PDE7A: variants seen among roughly 807,000 people sequenced by gnomAD.
PDE7A encodes the protein high affinity 3',5'-cyclic-AMP phosphodiesterase 7A.
In PDE7A, 39 loss-of-function variants were observed where a neutral mutation model predicts 64.3. The observed-to-expected ratio is 0.61, with a 90% confidence interval of 0.47 to 0.79. The LOEUF (loss-of-function observed/expected upper bound fraction) is 0.79, where lower values mean the gene tolerates loss of function less well. Ranked by LOEUF, PDE7A falls within the 30% of genes least tolerant of loss-of-function variation. The pLI is 0.00. For missense variants in PDE7A, 470 were observed against 582.8 expected (o/e 0.81, Z 1.99); for synonymous variants, 203 against 206.8 (o/e 0.98, Z 0.16).
intron 6 of PDE7A, among the ~76,000 whole-genome samples, chr8:65,735,301 G>A (rs1247056084): frequency 6.6e-6 from 1 of 152,052 alleles, no homozygotes; most frequent in Non-Finnish European, 1.5e-5. Context: ...TAGCCTTTCA[G>A]TACCCTTGGT....
In PDE7A at chr8:65,841,541, C is replaced by A. The variant is rs947609227; in HGVS notation, c.-33G>T. On this transcript the variant is annotated 5_prime_UTR_variant, in exon 1 of 13. Transcript: ENST00000401827. ...GCCCGCCCTGCCTCCGCGCGGCGCC[C>A]GCCCTGCCGCGGCCGCCGGCCCCTG... is the stretch of plus-strand genomic sequence containing the variant. 1.4e-6 allele frequency: 2 copies of A among 1,387,330 alleles called. No individual in the cohort carries two copies. The highest frequency in any genetic ancestry group is 1.9e-6 in the Non-Finnish European group (2 of 1,068,250). The allele number at this position is 1,387,330 out of a possible 1,614,324, so 85.9% of individuals were successfully genotyped here.
At chr8:65,798,201 TATA>T (rs1293427847) in intron 1 of PDE7A, among the ~76,000 whole-genome samples, 378 of 23,684 alleles carry the variant, frequency 0.016, 10 homozygotes, top group Middle Eastern at 0.062. Context: ...TATATATATA[TATA>T]TATTTTTTTT....
intron 5 of PDE7A, 109 bp from the exon 6 acceptor site, chr8:65,739,706 C>T (rs1457792869): frequency 8.7e-7 from 1 of 1,150,996 alleles, no homozygotes; most frequent in African/African-American, 1.6e-5. Flanking sequence ...AGTAATAATT[C>T]CCACTTTTTG....
At chr8:65,744,990 G>C (rs1585860155) in intron 5 of PDE7A, among the ~76,000 whole-genome samples, 1 of 152,302 alleles carries the variant, frequency 6.6e-6, no homozygotes, top group East Asian at 1.9e-4. Context: ...TAATTCCCAT[G>C]TGTTGTGGGA....
intron 3 of PDE7A, among the ~76,000 whole-genome samples, chr8:65,769,528 C>A (rs961843078): frequency 1.3e-5 from 2 of 152,208 alleles, no homozygotes; most frequent in African/African-American, 4.8e-5. Flanking sequence ...TTCAAAATGT[C>A]TTCCCAAAGC....
chr8:65,780,790 C>T (rs1332451399), intron 2 of PDE7A: 1 of 152,268 alleles, frequency 6.6e-6, no homozygotes, highest in African/African-American at 2.4e-5. Flanking sequence ...AAATCTTCAG[C>T]CTCTATCCCT....
chr8:65,784,479 GT>G (rs1383756791), intron 1 of PDE7A, among the ~76,000 whole-genome samples: 1 of 152,094 alleles, frequency 6.6e-6, no homozygotes, highest in Non-Finnish European at 1.5e-5. Flanking sequence ...TGATTCATAT[GT>G]TAAAAATTAA....
intron 3 of PDE7A, among the ~76,000 whole-genome samples, chr8:65,768,511 T>C (rs1202121058): frequency 6.6e-6 from 1 of 152,212 alleles, no homozygotes; most frequent in Non-Finnish European, 1.5e-5. Context: ...CCTTCGGCCG[T>C]AATTGTGAGG....
At chr8:65,807,700 C>T (rs1810143918) in intron 1 of PDE7A, among the ~76,000 whole-genome samples, 1 of 152,132 alleles carries the variant, frequency 6.6e-6, no homozygotes, top group Non-Finnish European at 1.5e-5. Flanking sequence ...AGGAAGTTCC[C>T]TTCTATTCCT....
chr8:65,830,521 C>A (rs1810792167), intron 1 of PDE7A, among the ~76,000 whole-genome samples: 1 of 151,862 alleles, frequency 6.6e-6, no homozygotes, highest in African/African-American at 2.4e-5. Context: ...CAAGCAGAAC[C>A]CCATCTTTTC....
chr8:65,830,029 T>C (rs1387727705), intron 1 of PDE7A, among the ~76,000 whole-genome samples: 2 of 152,080 alleles, frequency 1.3e-5, no homozygotes, highest in Non-Finnish European at 1.5e-5. Flanking sequence ...TGACACAGCA[T>C]GTCTGTTTTC....
chr8:65,760,878 G>A (rs1319082667), intron 3 of PDE7A, among the ~76,000 whole-genome samples: 1 of 152,134 alleles, frequency 6.6e-6, no homozygotes, highest in Non-Finnish European at 1.5e-5. Flanking sequence ...GGCCACTACA[G>A]AGAGGAAAGG....
chr8:65,815,037 C>T (rs998839584), intron 1 of PDE7A, among the ~76,000 whole-genome samples: 7 of 151,422 alleles, frequency 4.6e-5, no homozygotes, highest in African/African-American at 7.3e-5. Flanking sequence ...GCTGAGATTG[C>T]GCCACTGTAC....
At chr8:65,775,016 T>A (rs1029114542) in intron 3 of PDE7A, among the ~76,000 whole-genome samples, 3 of 152,246 alleles carry the variant, frequency 2.0e-5, no homozygotes, top group African/African-American at 7.2e-5. Flanking sequence ...TTTTCTACAT[T>A]CAGTTCTGAT....
chr8:65,742,473 C>A (rs533163941), intron 5 of PDE7A, among the ~76,000 whole-genome samples: 2 of 152,196 alleles, frequency 1.3e-5, no homozygotes, highest in African/African-American at 4.8e-5. Flanking sequence ...TGTCTTGGCA[C>A]GAATCACTGC....
intron 3 of PDE7A, among the ~76,000 whole-genome samples, chr8:65,759,462 C>A (rs1462138206): frequency 6.6e-6 from 1 of 152,148 alleles, no homozygotes; most frequent in Non-Finnish European, 1.5e-5. Flanking sequence ...TGGGCCATAT[C>A]CCCACAGGCC....
At chr8:65,837,284 AG>A (rs1810970360) in intron 1 of PDE7A, among the ~76,000 whole-genome samples, 1 of 152,246 alleles carries the variant, frequency 6.6e-6, no homozygotes, top group Non-Finnish European at 1.5e-5. Flanking sequence ...ATGCATACAA[AG>A]GAAAACTTGG....
At chr8:65,812,519 G>T (rs903071562) in intron 1 of PDE7A, among the ~76,000 whole-genome samples, 1 of 151,956 alleles carries the variant, frequency 6.6e-6, no homozygotes, top group African/African-American at 2.4e-5. Context: ...GTAGTAAGGA[G>T]AATATTCTAA....
intron 3 of PDE7A, among the ~76,000 whole-genome samples, chr8:65,754,749 G>C (rs573889828): frequency 6.7e-6 from 1 of 150,308 alleles, no homozygotes; most frequent in Admixed American, 6.6e-5. Flanking sequence ...AGTGGATCAC[G>C]AGGTCAAGAG....
Sources: gnomAD v4.1 joint callset for allele counts (sites outside exome capture counted in the v4.1 genomes callset) on GRCh38, gnomAD v4.1.1 for gene constraint, MANE v1.5 for transcripts, NCBI Gene and HGNC (gene_info 2026-07-23, HGNC 2026-07-21) for gene names.